Variants in SNAP25 observed in about 807,000 individuals in gnomAD.
SNAP25 encodes the protein synaptosome associated protein 25, also known as synaptosomal-associated protein 25.
Under a neutral mutation model 28.7 loss-of-function variants are expected in SNAP25, and 3 were observed. The ratio of observed to expected loss-of-function variants is 0.10; its 90% CI spans 0.05 to 0.27. The LOEUF (loss-of-function observed/expected upper bound fraction) is 0.27, where lower values mean the gene tolerates loss of function less well. Ranked by LOEUF, SNAP25 falls within the 10% of genes least tolerant of loss-of-function variation. The pLI is 1.00. For missense variants in SNAP25, 117 were observed against 278.7 expected, an observed-to-expected ratio of 0.42 and a Z score of 4.13; for synonymous variants, 61 against 88.1, an observed-to-expected ratio of 0.69 and a Z score of 1.72.
At chr20:10,226,367 A>T (rs1374447226) in intron 1 of SNAP25, among the ~76,000 whole-genome samples, 3 of 152,176 alleles carry the variant, frequency 2.0e-5, no homozygotes, top group African/African-American at 7.2e-5. Context: ...TTCCAATTCC[A>T]TGATCACTGC....
intron 5 of SNAP25, chr20:10,296,429 A>T (rs2123139454): frequency 6.3e-6 from 1 of 158,350 alleles, no homozygotes; most frequent in South Asian, 1.8e-4. Context: ...GGGAAAAAAA[A>T]ATATTCCACA....
intron 1 of SNAP25, among the ~76,000 whole-genome samples, chr20:10,257,633 C>T (rs2063342252): frequency 6.6e-6 from 1 of 151,176 alleles, no homozygotes; most frequent in African/African-American, 2.5e-5. Context: ...ATCGCTTGAA[C>T]CCAGGAGGCA....
chr20:10,300,824 A>G (rs2064218721), intron 7 of SNAP25, among the ~76,000 whole-genome samples: 1 of 152,210 alleles, frequency 6.6e-6, no homozygotes, highest in Non-Finnish European at 1.5e-5. Flanking sequence ...AGGCTTTCAT[A>G]TGATAAAGCT....
chr20:10,301,404 A>G (rs1782650099), intron 7 of SNAP25, among the ~76,000 whole-genome samples: 2 of 152,180 alleles, frequency 1.3e-5, no homozygotes, highest in Non-Finnish European at 2.9e-5. Context: ...CACTTTAAAT[A>G]GCCCCTTTTT....
chr20:10,299,565 A>G (rs1286730592), intron 7 of SNAP25, among the ~76,000 whole-genome samples, 153 bp downstream of exon 7: 1 of 152,224 alleles, frequency 6.6e-6, no homozygotes, highest in Non-Finnish European at 1.5e-5. Context: ...AGAGAAAAAT[A>G]TAGGACTCAG....
chr20:10,303,016 T>C (rs1172312518), intron 7 of SNAP25, among the ~76,000 whole-genome samples: 1 of 152,120 alleles, frequency 6.6e-6, no homozygotes. Flanking sequence ...CTCAGTGCAT[T>C]CTTGTACAGG....
At chr20:10,263,415 T>C (rs951797854) in intron 1 of SNAP25, among the ~76,000 whole-genome samples, 1 of 152,030 alleles carries the variant, frequency 6.6e-6, no homozygotes, top group African/African-American at 2.4e-5. Flanking sequence ...CCCAATAACA[T>C]TGACTACTGA....
intron 1 of SNAP25, 38 bp downstream of exon 1, chr20:10,219,015 G>C (rs2062570385): frequency 6.6e-6 from 1 of 152,204 alleles, no homozygotes; most frequent in Admixed American, 6.5e-5. Flanking sequence ...CTCTGGCTCG[G>C]GATGGCTGCA....
intron 1 of SNAP25, among the ~76,000 whole-genome samples, chr20:10,236,967 A>AATAC (rs151336612): frequency 4.0e-5 from 6 of 150,162 alleles, no homozygotes; most frequent in African/African-American, 1.5e-4. Flanking sequence ...TACATAAATA[A>AATAC]ATAAATAAAT....
intron 6 of SNAP25, among the ~76,000 whole-genome samples, chr20:10,298,712 G>T (rs764420156): frequency 6.6e-6 from 1 of 152,122 alleles, no homozygotes; most frequent in African/African-American, 2.4e-5. Context: ...GAGCAAGCAG[G>T]GTTAAGGGGC....
rs372122045 is a variant in SNAP25, at chr20:10,299,373, C to T, written c.513C>T (p.Ile171=). Residue 171 remains isoleucine (I), a synonymous_variant, in exon 7 of 8, where the codon ATC becomes ATT. Coordinates refer to ENST00000254976, the MANE Select transcript of SNAP25 (RefSeq NM_130811.4). ...TGGCCCTGGATATGGGCAATGAGAT[C>T]GATACACAGAATCGCCAGATCGACA... ...RHMALDMGNE[I]DTQNRQIDRI... is the part of the protein sequence containing the mutation. 39 of 1,613,666 alleles carry T rather than the reference C, an allele frequency of 2.4e-5. No homozygotes were observed. Among genetic ancestry groups the T allele is most frequent in the Admixed American group, 3.3e-5 (2 of 59,960 alleles).
chr20:10,260,724 A>ACACACACACAAAC (rs1568597310), intron 1 of SNAP25, among the ~76,000 whole-genome samples: 141 of 78,458 alleles, frequency 1.8e-3, no homozygotes, highest in African/African-American at 4.5e-3. Flanking sequence ...CACACACACA[A>ACACACACACAAAC]ACACACACAC....
chr20:10,275,491 C>T lies in SNAP25; in HGVS notation c.-1C>T. On this transcript the variant is annotated 5_prime_UTR_variant, in exon 2 of 8. Transcript: ENST00000254976. ...GCGCCCAGCCACTCCCCACCGCTAC[C>T]ATGGCCGAAGACGCAGACATGCGCA... is the stretch of plus-strand genomic sequence containing the variant. 2 of 1,603,356 alleles carry T rather than the reference C, an allele frequency of 1.2e-6. No individual in the cohort carries two copies. Among genetic ancestry groups the T allele is most frequent in the Non-Finnish European group, 1.7e-6 (2 of 1,174,658 alleles).
chr20:10,250,623 T>A (rs916594036), intron 1 of SNAP25, among the ~76,000 whole-genome samples: 1 of 152,230 alleles, frequency 6.6e-6, no homozygotes, highest in Admixed American at 6.5e-5. Context: ...TGGACTCTCC[T>A]GTAAGTATTA....
chr20:10,239,061 G>A (rs565720555), intron 1 of SNAP25, among the ~76,000 whole-genome samples: 5 of 152,310 alleles, frequency 3.3e-5, no homozygotes, highest in African/African-American at 1.2e-4. Context: ...TAATGTGACA[G>A]AGGTTGTTGA....
At chr20:10,279,958 A>G (rs1348121062) in intron 3 of SNAP25, among the ~76,000 whole-genome samples, 2 of 152,218 alleles carry the variant, frequency 1.3e-5, no homozygotes, top group Admixed American at 1.3e-4. Flanking sequence ...CTGCTTTTCA[A>G]TCAAAAAGGA....
intron 1 of SNAP25, among the ~76,000 whole-genome samples, chr20:10,264,545 A>G (rs1003690327): frequency 4.6e-5 from 7 of 152,252 alleles, no homozygotes; most frequent in South Asian, 2.1e-4. Flanking sequence ...ATGCTATGTT[A>G]TCAGATATTG....
intron 1 of SNAP25, among the ~76,000 whole-genome samples, chr20:10,226,491 C>T (rs2062736059): frequency 6.6e-6 from 1 of 152,066 alleles, no homozygotes; most frequent in South Asian, 2.1e-4. Flanking sequence ...TACACTGGTT[C>T]CTAAAGTCAG....
At position 10,275,495 on chromosome 20, in the gene SNAP25, G is replaced by C. The variant is rs769950821; in HGVS notation, c.4G>C (p.Ala2Pro). 6.2e-7 allele frequency: 1 copy of C among 1,603,606 alleles called. No homozygotes were observed. Among genetic ancestry groups the C allele is most frequent in the East Asian group, 2.2e-5 (1 of 44,640 alleles). Residue 2 changes from alanine (A) to proline (P), a missense_variant, in exon 2 of 8, where the codon GCC becomes CCC. This residue lies in a region of SNAP25 where 29 missense variants were observed against 53.5 expected (regional missense o/e 0.54). Coordinates refer to ENST00000254976, the MANE Select transcript of SNAP25 (RefSeq NM_130811.4). Reference sequence around the variant, plus strand: ...CCAGCCACTCCCCACCGCTACCATGGCCGAAGACGCAGACATGCGCAATGA... The same window carrying C: ...CCAGCCACTCCCCACCGCTACCATGCCCGAAGACGCAGACATGCGCAATGA... M[A>P]EDADMRNELE...
Sources: allele counts gnomAD v4.1 joint callset (sites outside exome capture counted in the v4.1 genomes callset), GRCh38; gene constraint gnomAD v4.1.1; regional missense constraint gnomAD v4.1.1; transcripts MANE v1.5; gene names NCBI Gene and HGNC (gene_info 2026-07-23, HGNC 2026-07-21).